Variants in USP15 observed in about 807,000 individuals in gnomAD.
The protein encoded by USP15 is ubiquitin carboxyl-terminal hydrolase 15.
USP15 carries 18 observed loss-of-function variants against 127.1 expected under a neutral mutation model. The observed-to-expected ratio is 0.14, with a 90% CI of 0.10 to 0.21. The LOEUF is 0.21. USP15 is among the 10% of genes least tolerant of loss of function. The probability of loss-of-function intolerance (pLI) is 1.00; values close to 1 mark genes in which losing one functional copy is unlikely to be tolerated. For missense variants in USP15, 805 were observed against 1,159.9 expected, an observed-to-expected ratio of 0.69 and a Z score of 4.44; for synonymous variants, 364 against 393.7, an observed-to-expected ratio of 0.92 and a Z score of 0.89.
intron 1 of USP15, among the ~76,000 whole-genome samples, chr12:62,287,435 T>C (rs1449474540): frequency 1.1e-4 from 16 of 152,222 alleles, no homozygotes. Flanking sequence ...TTGTTGTCAT[T>C]GAGTAGTTTG....
chr12:62,299,262 C>T (rs2064230909), intron 2 of USP15, among the ~76,000 whole-genome samples: 1 of 152,130 alleles, frequency 6.6e-6, no homozygotes, highest in Non-Finnish European at 1.5e-5. Flanking sequence ...AGATGCGTGC[C>T]ACCACACCTG....
chr12:62,293,418 G>A (rs1437373278), intron 1 of USP15, among the ~76,000 whole-genome samples: 1 of 152,106 alleles, frequency 6.6e-6, no homozygotes, highest in East Asian at 1.9e-4. Context: ...CTGCAGTGGT[G>A]CGATCCCGGC....
chr12:62,377,565 C>T (rs1025966718), intron 8 of USP15, among the ~76,000 whole-genome samples: 2 of 151,720 alleles, frequency 1.3e-5, no homozygotes, highest in Non-Finnish European at 2.9e-5. Flanking sequence ...ACTAAAAATA[C>T]AAAAATTAGC....
chr12:62,341,813 T>A (rs1452385618), intron 6 of USP15, among the ~76,000 whole-genome samples: 1 of 152,190 alleles, frequency 6.6e-6, no homozygotes, highest in Non-Finnish European at 1.5e-5. Context: ...CCCTTAACGT[T>A]GTTTCCTTCA....
intron 1 of USP15, among the ~76,000 whole-genome samples, chr12:62,293,111 C>G (rs1465724820): frequency 6.6e-6 from 1 of 152,150 alleles, no homozygotes; most frequent in East Asian, 1.9e-4. Context: ...ACCCATACCA[C>G]AGTCTAGGTT....
Position 62,391,171 on chromosome 12 carries a change from G to A in USP15, c.1975G>A (p.Asp659Asn). 1 of 1,612,478 alleles carries A rather than the reference G, an allele frequency of 6.2e-7. No homozygotes were observed. The highest frequency in any genetic ancestry group is 1.7e-5 in the Admixed American group (1 of 59,698). ...EEGSPSEMET[D>N]EPDDESSQDQ... ...TCTAAAATTAGGTGAAATGGAAACA[G>A]ATGAGCCAGATGATGAATCCAGCCA... is the stretch of plus-strand genomic sequence containing the variant. The change falls in exon 16 of 22, where the codon GAT (aspartate) becomes AAT (asparagine). Residue 659 changes from aspartate (D) to asparagine (N), a missense_variant. Transcript: ENST00000280377.
rs990419350 is a variant in USP15 at position 62,392,427 on chromosome 12, A to G, written c.2420+40A>G. 4 of 1,457,306 alleles carry G rather than the reference A, an allele frequency of 2.7e-6. No individual in the cohort carries two copies. In the African/African-American group the frequency reaches 5.7e-5, roughly 21 times the overall value. The allele number at this position is 1,457,306 out of a possible 1,614,324, so 90.3% of individuals were successfully genotyped here. On this transcript the variant is annotated intron_variant, in intron 18 of 21. Transcript: ENST00000280377. ...TAAATAATTGTTTTTGTTTTCTTTA[A>G]GGATTTATTCTGAGATATGTGCCAC...
intron 5 of USP15, 62 bp from the exon 6 acceptor site, chr12:62,325,793 AGTTTATCCAGCTATCTT>A: frequency 8.5e-7 from 1 of 1,180,662 alleles, no homozygotes. Flanking sequence ...TTAGTTTCTT[AGTTTATCCAGCTATCTT>A]CTAAAGTTAT....
At chr12:62,309,698 A>G (rs1368470207) in intron 3 of USP15, among the ~76,000 whole-genome samples, 1 of 152,038 alleles carries the variant, frequency 6.6e-6, no homozygotes, top group African/African-American at 2.4e-5. Context: ...TGTAAAAAGG[A>G]CAAAAATGAC....
At chr12:62,356,546 G>A (rs2066137191) in intron 8 of USP15, among the ~76,000 whole-genome samples, 1 of 151,852 alleles carries the variant, frequency 6.6e-6, no homozygotes, top group Non-Finnish European at 1.5e-5. Flanking sequence ...AAATTGAATA[G>A]GGAAGGCATA....
chr12:62,283,754 C>T (rs2063716935), intron 1 of USP15, among the ~76,000 whole-genome samples: 1 of 152,020 alleles, frequency 6.6e-6, no homozygotes, highest in Non-Finnish European at 1.5e-5. Context: ...ACCAGCCTGG[C>T]TAAGATGGCA....
Position 62,311,565 on chromosome 12 carries a change from G to A in USP15, c.349-3225G>A, listed in dbSNP as rs555440412. On this transcript the variant is annotated intron_variant, in intron 3 of 21. Transcript: ENST00000280377. Reference sequence around the variant, plus strand: ...GCACTATATACAAAAATAGATTGATGGGTAGATTTAGCCATCTAAACCTAA... The same window carrying A: ...GCACTATATACAAAAATAGATTGATAGGTAGATTTAGCCATCTAAACCTAA... 8.0e-4 allele frequency among the ~76,000 whole-genome samples: 121 copies of A among 151,724 alleles called. 1 individual carries two copies. Among genetic ancestry groups the A allele is most frequent in the African/African-American group, 2.8e-3 (117 of 41,474 alleles).
At chr12:62,290,133 G>A (rs918461020) in intron 1 of USP15, among the ~76,000 whole-genome samples, 1 of 152,166 alleles carries the variant, frequency 6.6e-6, no homozygotes, top group South Asian at 2.1e-4. Flanking sequence ...AATACATTTA[G>A]TTTAGAGTCC....
chr12:62,386,130 G>A (rs1002806406), intron 11 of USP15, among the ~76,000 whole-genome samples: 1 of 149,892 alleles, frequency 6.7e-6, no homozygotes. Context: ...TTAGAGCCAT[G>A]GTTAGCACAG....
chr12:62,335,423 C>T (rs754333915), intron 6 of USP15: 12 of 1,376,700 alleles, frequency 8.7e-6, no homozygotes, highest in Non-Finnish European at 9.4e-6. Flanking sequence ...CTTTACCTGT[C>T]GACCACATCC....
intron 11 of USP15, among the ~76,000 whole-genome samples, chr12:62,385,200 A>G (rs531056895): frequency 2.2e-4 from 34 of 152,040 alleles, no homozygotes; most frequent in African/African-American, 7.7e-4. Flanking sequence ...AATTTTATTC[A>G]TCAAGATACT....
At chr12:62,288,210 G>A (rs1424429778) in intron 1 of USP15, among the ~76,000 whole-genome samples, 2 of 151,910 alleles carry the variant, frequency 1.3e-5, no homozygotes, top group South Asian at 2.1e-4. Context: ...TAACATTATC[G>A]ATTCTTCTGA....
intron 7 of USP15, among the ~76,000 whole-genome samples, chr12:62,354,243 A>G (rs923648651): frequency 6.6e-6 from 1 of 151,942 alleles, no homozygotes; most frequent in Non-Finnish European, 1.5e-5. Flanking sequence ...ATGGAATAAT[A>G]AAGTGAAGTA....
intron 1 of USP15, among the ~76,000 whole-genome samples, chr12:62,292,311 T>TG (rs1277713602): frequency 6.6e-6 from 1 of 152,236 alleles, no homozygotes; most frequent in Non-Finnish European, 1.5e-5. Flanking sequence ...CTACAGGAGA[T>TG]GCTTGCCCCA....
Sources: allele counts gnomAD v4.1 joint callset (sites outside exome capture counted in the v4.1 genomes callset), GRCh38; gene constraint gnomAD v4.1.1; transcripts MANE v1.5; gene names NCBI Gene and HGNC (gene_info 2026-07-23, HGNC 2026-07-21).